Variants in MYO3B observed in about 807,000 individuals in gnomAD.
The protein encoded by MYO3B is myosin IIIB.
MYO3B carries 156 observed loss-of-function variants against 174.6 expected under a neutral mutation model. The ratio of observed to expected loss-of-function variants is 0.89; its 90% CI spans 0.78 to 1.02. The LOEUF (loss-of-function observed/expected upper bound fraction) is 1.02, where lower values mean the gene tolerates loss of function less well. Among genes scored for constraint, MYO3B ranks in the 50% least tolerant of loss-of-function variants. The pLI, the probability that MYO3B is intolerant of heterozygous loss-of-function variation, is 0.00. For missense variants in MYO3B, 1,632 were observed against 1,639.4 expected (o/e 1.00, Z 0.08); for synonymous variants, 563 against 569.1 (o/e 0.99, Z 0.15).
chr2:170,431,284 G>A (rs2094706636), intron 22 of MYO3B, among the ~76,000 whole-genome samples: 1 of 152,088 alleles, frequency 6.6e-6, no homozygotes. Flanking sequence ...CTCGTTAAAA[G>A]AGACTGACCT....
intron 22 of MYO3B, among the ~76,000 whole-genome samples, chr2:170,419,725 C>G (rs1173317366): frequency 6.6e-6 from 1 of 152,068 alleles, no homozygotes; most frequent in Non-Finnish European, 1.5e-5. Context: ...AAGGAGAGCT[C>G]TGCCCCTCTC....
At chr2:170,491,521 G>A (rs1020347638) in intron 25 of MYO3B, among the ~76,000 whole-genome samples, 1 of 152,128 alleles carries the variant, frequency 6.6e-6, no homozygotes, top group Non-Finnish European at 1.5e-5. Flanking sequence ...CGCCTCCCAG[G>A]TTCACGCCAT....
intron 29 of MYO3B, among the ~76,000 whole-genome samples, chr2:170,517,128 C>G (rs1267650998): frequency 6.6e-6 from 1 of 152,164 alleles, no homozygotes; most frequent in African/African-American, 2.4e-5. Flanking sequence ...TTAGTTTGAC[C>G]CAAATCCTTC....
intron 27 of MYO3B, among the ~76,000 whole-genome samples, 180 bp from the exon 28 acceptor site, chr2:170,501,605 G>A (rs956522426): frequency 2.6e-5 from 4 of 152,180 alleles, no homozygotes; most frequent in Admixed American, 2.0e-4. Flanking sequence ...AAGCCAAGCT[G>A]TGAGAACAGA....
intron 7 of MYO3B, among the ~76,000 whole-genome samples, chr2:170,310,506 T>C (rs988517929): frequency 1.3e-5 from 2 of 151,406 alleles, no homozygotes; most frequent in African/African-American, 2.4e-5. Flanking sequence ...CTACTAAAAA[T>C]ACAAAAAATT....
At chr2:170,251,004 C>T (rs1281515735) in intron 7 of MYO3B, among the ~76,000 whole-genome samples, 3 of 151,770 alleles carry the variant, frequency 2.0e-5, no homozygotes, top group African/African-American at 7.3e-5. Flanking sequence ...CAAAAAGCAA[C>T]TTTTTGGGGT....
intron 25 of MYO3B, among the ~76,000 whole-genome samples, chr2:170,497,947 G>GAA (rs55963352): frequency 1.0e-3 from 90 of 87,834 alleles, no homozygotes; most frequent in African/African-American, 3.3e-3. Flanking sequence ...TTCTGCCTCA[G>GAA]AAAAAAAAAA....
intron 22 of MYO3B, among the ~76,000 whole-genome samples, chr2:170,413,194 A>T (rs992854223): frequency 2.0e-5 from 3 of 152,226 alleles, no homozygotes; most frequent in African/African-American, 7.2e-5. Flanking sequence ...ATGGGTAAAC[A>T]TGAGGAAAGA....
At chr2:170,511,783 A>G (rs1229020364) in intron 28 of MYO3B, among the ~76,000 whole-genome samples, 1 of 152,212 alleles carries the variant, frequency 6.6e-6, no homozygotes, top group Non-Finnish European at 1.5e-5. Flanking sequence ...GCAGTCTTAC[A>G]TGGAATCAAA....
chr2:170,230,525 C>T (rs1178975540), intron 6 of MYO3B, among the ~76,000 whole-genome samples: 1 of 151,732 alleles, frequency 6.6e-6, no homozygotes, highest in Admixed American at 6.6e-5. Context: ...AACCTGCCAA[C>T]TTCTTGATAA....
chr2:170,600,235 T>C lies in MYO3B; in HGVS notation c.3734-51393T>C, dbSNP rs184249012. ...CATAAACAAATCCAAATGGAAATAA[T>C]CCAAGTCAAAATTACATAACAAAAC... is the stretch of plus-strand genomic sequence containing the variant. On this transcript the variant is annotated intron_variant, in intron 32 of 34. Transcript: ENST00000408978. Among the ~76,000 whole-genome samples the C allele has an allele frequency of 1.2e-3, 184 of 152,054 alleles. 1 individual carries two copies. The highest frequency in any genetic ancestry group is 2.2e-3 in the Non-Finnish European group (148 of 67,970).
chr2:170,256,415 C>A (rs970032840), intron 7 of MYO3B, among the ~76,000 whole-genome samples: 1 of 152,070 alleles, frequency 6.6e-6, no homozygotes, highest in African/African-American at 2.4e-5. Context: ...AAAGGGAACC[C>A]CATTATGCTA....
At chr2:170,569,236 C>G (rs890652324) in intron 32 of MYO3B, among the ~76,000 whole-genome samples, 2 of 152,120 alleles carry the variant, frequency 1.3e-5, no homozygotes, top group Admixed American at 1.3e-4. Flanking sequence ...TTTCTTTCAC[C>G]CATTCTTCCA....
At position 170,418,965 on chromosome 2, in the gene MYO3B, C is replaced by A. The variant is rs908764731; in HGVS notation, c.2650+11121C>A. Among the ~76,000 whole-genome samples the A allele has an allele frequency of 4.6e-5, 7 of 152,286 alleles. 1 individual carries two copies. The highest frequency in any genetic ancestry group is 1.4e-4 in the African/African-American group (6 of 41,562). ...GTCCCATTTTGAGTTTTCAGTTCTT[C>A]ACAAAAATGGAGGGATCCTTTGTGA... is the stretch of plus-strand genomic sequence containing the variant. On this transcript the variant is annotated intron_variant, in intron 22 of 34. Coordinates refer to ENST00000408978, the MANE Select transcript of MYO3B (RefSeq NM_138995.5).
chr2:170,384,263 T>G (rs971133777), intron 12 of MYO3B, among the ~76,000 whole-genome samples: 1 of 152,126 alleles, frequency 6.6e-6, no homozygotes, highest in African/African-American at 2.4e-5. Context: ...CACCACACCA[T>G]TTAGCTGCTG....
At chr2:170,577,726 T>C (rs1692872582) in intron 32 of MYO3B, among the ~76,000 whole-genome samples, 1 of 152,186 alleles carries the variant, frequency 6.6e-6, no homozygotes. Flanking sequence ...AGAAGATTCA[T>C]TTTCCTGTGA....
chr2:170,290,122 A>C (rs2093586241), intron 7 of MYO3B, among the ~76,000 whole-genome samples: 1 of 152,080 alleles, frequency 6.6e-6, no homozygotes, highest in Non-Finnish European at 1.5e-5. Context: ...TTTTGGCCTA[A>C]GCTGTGATTC....
intron 25 of MYO3B, among the ~76,000 whole-genome samples, chr2:170,489,634 G>GGGGT (rs1553507396): frequency 2.9e-5 from 4 of 139,320 alleles, no homozygotes; most frequent in African/African-American, 1.1e-4. Context: ...AACCAGTAGG[G>GGGGT]GTGTGTGTGT....
chr2:170,310,561 G>A (rs896297318), intron 7 of MYO3B, among the ~76,000 whole-genome samples: 2 of 149,310 alleles, frequency 1.3e-5, no homozygotes, highest in Non-Finnish European at 3.0e-5. Flanking sequence ...CTACTTGGGA[G>A]GCTGAGGCAG....
Sources: gnomAD v4.1 joint callset for allele counts (sites outside exome capture counted in the v4.1 genomes callset) on GRCh38, gnomAD v4.1.1 for gene constraint, MANE v1.5 for transcripts, NCBI Gene and HGNC (gene_info 2026-07-23, HGNC 2026-07-21) for gene names.